Variants in ZNF566 observed in about 807,000 individuals in gnomAD.
The protein encoded by ZNF566 is zinc finger protein 566.
In ZNF566, 27 loss-of-function variants were observed where a neutral mutation model predicts 32.8. The ratio of observed to expected loss-of-function variants is 0.82; its 90% CI spans 0.61 to 1.14. ZNF566 has a LOEUF of 1.14. ZNF566 is among the 50% of genes most tolerant of loss of function. The pLI, the probability that ZNF566 is intolerant of heterozygous loss-of-function variation, is 0.00. For synonymous variants in ZNF566, 154 were observed against 159.5 expected (o/e 0.97, Z 0.26); for missense variants, 402 against 490.4 (o/e 0.82, Z 1.70).
At chr19:36,487,124 A>C (rs948560476) in intron 1 of ZNF566, among the ~76,000 whole-genome samples, 10 of 151,614 alleles carry the variant, frequency 6.6e-5, no homozygotes, top group African/African-American at 2.4e-4. Context: ...AAACAAGACA[A>C]AACAAACCAA....
chr19:36,458,884 A>G (rs1396429831), intron 4 of ZNF566, among the ~76,000 whole-genome samples: 2 of 152,080 alleles, frequency 1.3e-5, no homozygotes, highest in African/African-American at 4.8e-5. Context: ...CAAAGTTTTC[A>G]CTCTTGTCGC....
chr19:36,465,395 C>T (rs2033586030), intron 4 of ZNF566, among the ~76,000 whole-genome samples: 1 of 152,166 alleles, frequency 6.6e-6, no homozygotes, highest in South Asian at 2.1e-4. Context: ...ATCTCTTGCA[C>T]ATGTCTAAGT....
chr19:36,483,873 C>T (rs1286803211), intron 1 of ZNF566, among the ~76,000 whole-genome samples: 1 of 151,862 alleles, frequency 6.6e-6, no homozygotes, highest in Non-Finnish European at 1.5e-5. Context: ...GGTGGAGAAA[C>T]AGCTCAACTG....
intron 4 of ZNF566, among the ~76,000 whole-genome samples, chr19:36,455,786 A>G (rs1301800328): frequency 6.6e-6 from 1 of 151,690 alleles, no homozygotes; most frequent in Non-Finnish European, 1.5e-5. Context: ...TATGCCTGTA[A>G]TCCCAGCACT....
At chr19:36,477,168 G>A (rs772476120) in intron 1 of ZNF566, among the ~76,000 whole-genome samples, 1 of 151,400 alleles carries the variant, frequency 6.6e-6, no homozygotes, top group Non-Finnish European at 1.5e-5. Flanking sequence ...GTGCCACCAC[G>A]CCCGGCTAAT....
chr19:36,479,200 TATC>T (rs377242937), intron 1 of ZNF566, among the ~76,000 whole-genome samples: 179 of 152,340 alleles, frequency 1.2e-3, no homozygotes, highest in African/African-American at 3.8e-3. Flanking sequence ...TAATGTGCAT[TATC>T]ATCATTTCTT....
intron 4 of ZNF566, among the ~76,000 whole-genome samples, chr19:36,451,342 T>C (rs866482572): frequency 6.6e-6 from 1 of 152,312 alleles, no homozygotes. Flanking sequence ...TGTGGACAGA[T>C]ATGGTATATG....
chr19:36,488,755 A>G (rs1433906283), intron 1 of ZNF566, among the ~76,000 whole-genome samples: 1 of 152,230 alleles, frequency 6.6e-6, no homozygotes, highest in Admixed American at 6.5e-5. Flanking sequence ...AGAATTGTAA[A>G]AATAAACCAA....
intron 1 of ZNF566, among the ~76,000 whole-genome samples, chr19:36,477,565 G>A (rs1444172395): frequency 1.7e-5 from 2 of 119,814 alleles, no homozygotes; most frequent in Non-Finnish European, 3.5e-5. Context: ...TTGAGACGGA[G>A]TCTTGCTCTG....
intron 4 of ZNF566, among the ~76,000 whole-genome samples, chr19:36,466,864 C>T (rs995602667): frequency 2.0e-5 from 3 of 151,758 alleles, no homozygotes; most frequent in Non-Finnish European, 4.4e-5. Context: ...GTCAGGAGAT[C>T]GAGACCATCC....
chr19:36,484,629 A>G (rs1025632079), intron 1 of ZNF566, among the ~76,000 whole-genome samples: 1 of 125,362 alleles, frequency 8.0e-6, no homozygotes, highest in Non-Finnish European at 1.6e-5. Flanking sequence ...TCGCTCTGTC[A>G]CCCAGGCTGG....
At chr19:36,457,799 G>T (rs2033353748) in intron 4 of ZNF566, among the ~76,000 whole-genome samples, 1 of 152,190 alleles carries the variant, frequency 6.6e-6, no homozygotes, top group Non-Finnish European at 1.5e-5. Context: ...GCTGAAGTGG[G>T]AGAATCGCTT....
intron 1 of ZNF566, among the ~76,000 whole-genome samples, chr19:36,487,131 C>A (rs2967542): frequency 0.63 from 91,910 of 144,892 alleles, 29,812 homozygotes; most frequent in Non-Finnish European, 0.68. Flanking sequence ...ACAAAACAAA[C>A]CAAAACAAAA....
intron 1 of ZNF566, among the ~76,000 whole-genome samples, chr19:36,478,975 G>A (rs1422203785): frequency 6.6e-6 from 1 of 152,170 alleles, no homozygotes; most frequent in Non-Finnish European, 1.5e-5. Context: ...AGAGAAATAG[G>A]AACTGATGAA....
At chr19:36,482,575 G>T (rs1330610406) in intron 1 of ZNF566, among the ~76,000 whole-genome samples, 1 of 151,838 alleles carries the variant, frequency 6.6e-6, no homozygotes, top group Non-Finnish European at 1.5e-5. Flanking sequence ...GAAGATGTTT[G>T]TTTACTATAT....
At chr19:36,464,021 C>T (rs865961713) in intron 4 of ZNF566, among the ~76,000 whole-genome samples, 8 of 151,902 alleles carry the variant, frequency 5.3e-5, no homozygotes, top group African/African-American at 1.2e-4. Flanking sequence ...CCACCACACC[C>T]GGCCAAATTC....
chr19:36,462,678 A>G (rs1165405291), intron 4 of ZNF566, among the ~76,000 whole-genome samples: 1 of 151,944 alleles, frequency 6.6e-6, no homozygotes, highest in African/African-American at 2.4e-5. Context: ...ATATATGTAT[A>G]TATGTACATA....
chr19:36,480,278 A>T lies in ZNF566; in HGVS notation c.-59-3662T>A, dbSNP rs188989749. 4.8e-3 allele frequency among the ~76,000 whole-genome samples: 658 copies of T among 136,972 alleles called. 2 individuals are homozygous for T. Among genetic ancestry groups the T allele is most frequent in the Non-Finnish European group, 9.0e-3 (551 of 60,892 alleles). The allele number at this position is 136,972 out of a possible 152,430, so 89.9% of individuals were successfully genotyped here. A position where few individuals can be genotyped will look rare whatever the true frequency, so the allele number is the denominator to read the frequency against. On this transcript the variant is annotated intron_variant, in intron 1 of 4. Transcript: ENST00000452939. ...TGATTTATGACAAAGACTCCATGCAATTTTTTTTTCTTTTTTTTTTTTTTG... is the reference window on the plus strand; with the variant it reads ...TGATTTATGACAAAGACTCCATGCATTTTTTTTTTCTTTTTTTTTTTTTTG...
chr19:36,489,447 G>A (rs2034256008), intron 1 of ZNF566, 39 bp downstream of exon 1: 1 of 295,234 alleles, frequency 3.4e-6, no homozygotes, highest in Non-Finnish European at 6.6e-6. Flanking sequence ...CTTGGCCCCC[G>A]GCCCCGCCCT....
Sources: allele counts gnomAD v4.1 joint callset (sites outside exome capture counted in the v4.1 genomes callset), GRCh38; gene constraint gnomAD v4.1.1; transcripts MANE v1.5; gene names NCBI Gene and HGNC (gene_info 2026-07-23, HGNC 2026-07-21).